MAGI1: variants seen among roughly 807,000 people sequenced by gnomAD.
The protein encoded by MAGI1 is membrane associated guanylate kinase, WW and PDZ domain containing 1, also known as membrane-associated guanylate kinase, WW and PDZ domain-containing protein 1.
Under a neutral mutation model 139.9 loss-of-function variants are expected in MAGI1, and 58 were observed. That is an observed-to-expected ratio of 0.41 (90% CI 0.34 to 0.52). MAGI1 has a LOEUF of 0.52. Ranked by LOEUF, MAGI1 falls within the 20% of genes least tolerant of loss-of-function variation. MAGI1 has a pLI of 0.12. For missense variants in MAGI1, 1,874 were observed against 1,901.6 expected, an observed-to-expected ratio of 0.99 and a Z score of 0.27; for synonymous variants, 812 against 737.9, an observed-to-expected ratio of 1.10 and a Z score of -1.63.
rs529324560 is a variant in MAGI1, at chr3:65,625,252, A to G, written c.314-3164T>C. ...ATTCACAGAACTGTATACATAAAACAAGTATGTTTTATTATATGTAAGCTA... is the reference window on the plus strand; with the variant it reads ...ATTCACAGAACTGTATACATAAAACGAGTATGTTTTATTATATGTAAGCTA... On this transcript the variant is annotated intron_variant, in intron 1 of 22. Transcript: ENST00000402939. Among the ~76,000 whole-genome samples the G allele has an allele frequency of 2.6e-5, 4 of 152,330 alleles. No individual in the cohort carries two copies. In the East Asian group the frequency reaches 7.7e-4, roughly 29 times the overall value.
intron 1 of MAGI1, among the ~76,000 whole-genome samples, chr3:65,628,193 T>C (rs550401808): frequency 6.6e-6 from 1 of 152,262 alleles, no homozygotes; most frequent in Admixed American, 6.5e-5. Flanking sequence ...TGCCTTTCCA[T>C]AAATAGTTTT....
chr3:65,979,093 C>CCCA (rs1553742275), intron 1 of MAGI1, among the ~76,000 whole-genome samples: 1 of 51,498 alleles, frequency 1.9e-5, no homozygotes, highest in Non-Finnish European at 4.7e-5. Context: ...TTTCTTCCCC[C>CCCA]CCCCCGCCAC....
intron 1 of MAGI1, among the ~76,000 whole-genome samples, chr3:65,866,959 A>T (rs1000536403): frequency 1.3e-5 from 2 of 152,226 alleles, no homozygotes; most frequent in African/African-American, 2.4e-5. Context: ...ATGTGAACTC[A>T]GCAACATCCA....
chr3:65,494,881 A>G (rs946368333), intron 2 of MAGI1, among the ~76,000 whole-genome samples: 1 of 152,152 alleles, frequency 6.6e-6, no homozygotes, highest in Non-Finnish European at 1.5e-5. Flanking sequence ...TTTTTAGTGC[A>G]CATAATTCTT....
chr3:65,779,430 T>C (rs1364975134), intron 1 of MAGI1, among the ~76,000 whole-genome samples: 1 of 152,232 alleles, frequency 6.6e-6, no homozygotes, highest in Non-Finnish European at 1.5e-5. Flanking sequence ...CTCAACTTTT[T>C]TCCAAAAATA....
intron 22 of MAGI1, 62 bp downstream of exon 22, chr3:65,361,137 C>CT: frequency 1.2e-6 from 2 of 1,613,828 alleles, no homozygotes; most frequent in Non-Finnish European, 1.7e-6. Context: ...TGCTGCCGTT[C>CT]TGGAGACAAA....
intron 2 of MAGI1, among the ~76,000 whole-genome samples, chr3:65,536,109 G>A (rs970647080): frequency 2.6e-5 from 4 of 152,248 alleles, no homozygotes; most frequent in African/African-American, 7.2e-5. Context: ...ACACTTATAC[G>A]TTTTCCCCTG....
chr3:66,001,615 T>C (rs888248825), intron 1 of MAGI1, among the ~76,000 whole-genome samples: 6 of 152,176 alleles, frequency 3.9e-5, no homozygotes, highest in South Asian at 2.1e-4. Context: ...TTACATAACA[T>C]GGCTTAAAAT....
At chr3:65,591,125 A>G (rs192416490) in intron 2 of MAGI1, among the ~76,000 whole-genome samples, 2 of 152,218 alleles carry the variant, frequency 1.3e-5, no homozygotes, top group East Asian at 3.9e-4. Flanking sequence ...AAATCATGGT[A>G]CAGCAAAATT....
At chr3:65,518,407 G>A (rs1459265259) in intron 2 of MAGI1, among the ~76,000 whole-genome samples, 2 of 152,130 alleles carry the variant, frequency 1.3e-5, no homozygotes, top group African/African-American at 2.4e-5. Flanking sequence ...GGCTAGGCAC[G>A]CAGTAATTGC....
intron 1 of MAGI1, among the ~76,000 whole-genome samples, chr3:65,770,696 C>T (rs2037877149): frequency 6.6e-6 from 1 of 152,058 alleles, no homozygotes; most frequent in Admixed American, 6.5e-5. Flanking sequence ...CATTTATTTA[C>T]TTATTTATTT....
chr3:65,965,500 A>G (rs2064694278), intron 1 of MAGI1, among the ~76,000 whole-genome samples: 1 of 152,158 alleles, frequency 6.6e-6, no homozygotes, highest in South Asian at 2.1e-4. Flanking sequence ...AAATTAGCAA[A>G]TGTTAGGGGG....
intron 1 of MAGI1, among the ~76,000 whole-genome samples, chr3:65,666,478 G>C (rs1336967093): frequency 6.6e-6 from 1 of 152,114 alleles, no homozygotes; most frequent in African/African-American, 2.4e-5. Flanking sequence ...AAAATTCCAA[G>C]GCAGGTGAGT....
chr3:66,036,719 C>G (rs1335540030), intron 1 of MAGI1, among the ~76,000 whole-genome samples: 3 of 152,204 alleles, frequency 2.0e-5, no homozygotes, highest in Non-Finnish European at 4.4e-5. Flanking sequence ...CTTCCTTTGA[C>G]ACATTCCTCC....
intron 1 of MAGI1, among the ~76,000 whole-genome samples, chr3:66,024,429 G>T (rs955643314): frequency 6.6e-6 from 1 of 150,782 alleles, no homozygotes; most frequent in South Asian, 2.1e-4. Flanking sequence ...GGCCAAAGCA[G>T]AATGGCAGCT....
intron 2 of MAGI1, among the ~76,000 whole-genome samples, chr3:65,577,178 C>A (rs1207271792): frequency 6.6e-6 from 1 of 152,104 alleles, no homozygotes; most frequent in Non-Finnish European, 1.5e-5. Flanking sequence ...AGGCAAATAT[C>A]ACAGGCAGAG....
intron 1 of MAGI1, among the ~76,000 whole-genome samples, chr3:65,738,708 A>C (rs1168630242): frequency 6.6e-6 from 1 of 152,250 alleles, no homozygotes; most frequent in Non-Finnish European, 1.5e-5. Flanking sequence ...CATCTCCATC[A>C]GAGCTCTTGG....
chr3:65,593,947 AG>A (rs1201340875), intron 2 of MAGI1, among the ~76,000 whole-genome samples: 1 of 152,210 alleles, frequency 6.6e-6, no homozygotes, highest in Non-Finnish European at 1.5e-5. Context: ...TTTTCGCTCA[AG>A]AACATTCAGC....
chr3:65,712,342 T>C (rs2031569547), intron 1 of MAGI1, among the ~76,000 whole-genome samples: 1 of 151,274 alleles, frequency 6.6e-6, no homozygotes. Context: ...TGGTCCTCAC[T>C]GTCAGTCCCA....
Sources: allele counts gnomAD v4.1 joint callset (sites outside exome capture counted in the v4.1 genomes callset), GRCh38; gene constraint gnomAD v4.1.1; transcripts MANE v1.5; gene names NCBI Gene and HGNC (gene_info 2026-07-23, HGNC 2026-07-21).